The following GSDME variants were observed in gnomAD, a reference collection of about 807,000 sequenced individuals.
GSDME encodes the protein gasdermin E, also known as gasdermin-E.
In GSDME, 44 loss-of-function variants were observed where a neutral mutation model predicts 47.5. The ratio of observed to expected loss-of-function variants is 0.93; its 90% confidence interval spans 0.73 to 1.19. GSDME has a LOEUF of 1.19. GSDME is among the 50% of genes most tolerant of loss of function. The pLI, the probability that GSDME is intolerant of heterozygous loss-of-function variation, is 0.00. For missense variants in GSDME, 663 were observed against 604.2 expected (o/e 1.10, Z -1.02); for synonymous variants, 258 against 252.8 (o/e 1.02, Z -0.20).
chr7:24,744,633 G>A lies in GSDME; in HGVS notation c.333C>T (p.Ser111=). Residue 111 remains serine (S), a synonymous_variant, in exon 3 of 10, where the codon AGC becomes AGT. Transcript: ENST00000645220. The surrounding 1 kb of genome is among the most constrained non-coding windows in gnomAD (Gnocchi z 4.5). ...TCCTCAGGGTTCCAAATGAAGACTG[G>A]CTCTCTACGCGGCTGCTGCCCCCCA... ...LNLGGSSRVE[S]QSSFGTLRKQ... 1.9e-6 allele frequency: 3 copies of A among 1,614,164 alleles called. No individual in the cohort carries two copies. The highest frequency in any genetic ancestry group is 2.5e-6 in the Non-Finnish European group (3 of 1,180,032).
upstream of GSDME, among the ~76,000 whole-genome samples, chr7:24,758,345 G>A (rs564552600): frequency 6.6e-6 from 1 of 152,362 alleles, no homozygotes; most frequent in South Asian, 2.1e-4. This position sits in a 1 kb window ranked among gnomAD's most constrained non-coding sequence, Gnocchi z 4.6. Context: ...CCAGAAGACA[G>A]ATTTAAGCTT....
the GSDME span, among the ~76,000 whole-genome samples, chr7:24,766,498 CTGTGTCCA>C: frequency 6.6e-6 from 1 of 152,054 alleles, no homozygotes; most frequent in African/African-American, 2.4e-5. This position sits in a 1 kb window ranked among gnomAD's most constrained non-coding sequence, Gnocchi z 4.2. Context: ...GTTGCCCTCC[CTGTGTCCA>C]TGTGTTCTCA....
At chr7:24,717,866 A>C (rs938810928) in intron 4 of GSDME, among the ~76,000 whole-genome samples, 1 of 152,176 alleles carries the variant, frequency 6.6e-6, no homozygotes, top group African/African-American at 2.4e-5. Flanking sequence ...AAGAGGCCGG[A>C]GGGAGGAGAG....
Position 24,716,865 on chromosome 7 carries a change from G to A in GSDME, c.697+389C>T, listed in dbSNP as rs1383327137. 3 of 298,650 alleles carry A rather than the reference G, an allele frequency of 1.0e-5. No homozygotes were observed. The highest frequency in any genetic ancestry group is 2.0e-5 in the Non-Finnish European group (3 of 151,464). 18.5% of individuals were successfully genotyped at this position (298,650 alleles called of 1,614,324 possible). A position where few individuals can be genotyped will look rare whatever the true frequency, so the allele number is the denominator to read the frequency against. On this transcript the variant is annotated intron_variant, in intron 5 of 9. Transcript: ENST00000645220. The surrounding 1 kb of genome is among the most constrained non-coding windows in gnomAD (Gnocchi z 4.5). ...ATGCCCTTCACCTTCCAGAGACAGG[G>A]AAGCCAAGACTCAGCAAGATTCAGC...
chr7:24,790,279 T>C, the GSDME span, among the ~76,000 whole-genome samples: 15 of 152,370 alleles, frequency 9.8e-5, no homozygotes, highest in African/African-American at 3.4e-4. The surrounding 1 kb of genome is among the most constrained non-coding windows in gnomAD (Gnocchi z 4.1). Context: ...TGTAACCATA[T>C]GATTTGGGTG....
At chr7:24,740,775 T>G (rs113532534) in intron 3 of GSDME, among the ~76,000 whole-genome samples, 63 of 152,344 alleles carry the variant, frequency 4.1e-4, no homozygotes, top group Non-Finnish European at 7.9e-4. Flanking sequence ...TTTATTTAAT[T>G]TGGAATTCCT....
the GSDME span, among the ~76,000 whole-genome samples, chr7:24,794,525 T>C: frequency 1.3e-5 from 2 of 152,304 alleles, no homozygotes; most frequent in African/African-American, 4.8e-5. Flanking sequence ...TATCTATGTA[T>C]GGAAACTGAT....
chr7:24,710,754 C>G (rs1251236406), intron 5 of GSDME, among the ~76,000 whole-genome samples: 1 of 152,150 alleles, frequency 6.6e-6, no homozygotes, highest in Non-Finnish European at 1.5e-5. Context: ...AAAATCTGAA[C>G]ACTGATAATA....
chr7:24,784,630 T>C, the GSDME span, among the ~76,000 whole-genome samples: 1 of 148,478 alleles, frequency 6.7e-6, no homozygotes, highest in African/African-American at 2.5e-5. Context: ...TTCTTCCTTT[T>C]TTTTTTTTTT....
intron 3 of GSDME, among the ~76,000 whole-genome samples, chr7:24,727,355 A>C (rs139221706): frequency 6.6e-6 from 1 of 152,354 alleles, no homozygotes; most frequent in East Asian, 1.9e-4. Context: ...CAGACTGAGG[A>C]AATGGTGCAG....
chr7:24,718,955 C>T (rs1293775240), intron 4 of GSDME, 92 bp downstream of exon 4: 3 of 1,404,508 alleles, frequency 2.1e-6, no homozygotes, highest in Non-Finnish European at 3.0e-6. Flanking sequence ...CGGAAAGAGT[C>T]CTGACTAATG....
chr7:24,757,880 A>G (rs1158216737), upstream of GSDME: 2 of 152,394 alleles, frequency 1.3e-5, no homozygotes, highest in African/African-American at 2.4e-5. This position sits in a 1 kb window ranked among gnomAD's most constrained non-coding sequence, Gnocchi z 5.9. Flanking sequence ...TTCAACCAGG[A>G]AAGTCCAAGG....
chr7:24,727,303 T>C (rs1356189878), intron 3 of GSDME, among the ~76,000 whole-genome samples: 1 of 152,194 alleles, frequency 6.6e-6, no homozygotes, highest in Non-Finnish European at 1.5e-5. Flanking sequence ...GCTTTTCCAC[T>C]ACACTCTTCT....
Position 24,745,954 on chromosome 7 carries a change from T to TC in GSDME, c.212-1201dup, listed in dbSNP as rs1790653942. On this transcript the variant is annotated intron_variant, in intron 2 of 9. Transcript: ENST00000645220. The surrounding 1 kb of genome is among the most constrained non-coding windows in gnomAD (Gnocchi z 4.4). Reference sequence around the variant, plus strand: ...ACTAGGAACCTCACACTTGGCCTTTTCCATTGTCCTGACCCAAGGCTCTCC... The same window carrying TC: ...ACTAGGAACCTCACACTTGGCCTTTTCCCATTGTCCTGACCCAAGGCTCTCC... Among the ~76,000 whole-genome samples the TC allele has an allele frequency of 1.3e-5, 2 of 152,210 alleles. No individual in the cohort carries two copies. The highest frequency in any genetic ancestry group is 2.9e-5 in the Non-Finnish European group (2 of 68,050).
Position 24,744,606 on chromosome 7 carries a change from C to T in GSDME, c.360G>A (p.Lys120=), listed in dbSNP as rs756154457. 1 of 1,614,204 alleles carries T rather than the reference C, an allele frequency of 6.2e-7. No homozygotes were observed. The highest frequency in any genetic ancestry group is 8.5e-7 in the Non-Finnish European group (1 of 1,180,046). Residue 120 remains lysine (K), a synonymous_variant, in exon 3 of 10, where the codon AAG becomes AAA. Coordinates refer to ENST00000645220, the MANE Select transcript of GSDME (RefSeq NM_001127453.2). The surrounding 1 kb of genome is among the most constrained non-coding windows in gnomAD (Gnocchi z 4.5). ...ESQSSFGTLR[K]QEVDLQQLIR... is the part of the protein sequence containing the mutation. ...TGAGCTGCTGCAAATCCACCTCCTG[C>T]TTCCTCAGGGTTCCAAATGAAGACT... is the stretch of plus-strand genomic sequence containing the variant.
In GSDME at chr7:24,706,157, A is replaced by T. The variant is rs371465318; in HGVS notation, c.1183+27T>A. On this transcript the variant is annotated intron_variant, in intron 8 of 9. Coordinates refer to ENST00000645220, the MANE Select transcript of GSDME (RefSeq NM_001127453.2). ...AAAGCATTTTAAAGCAGCAGCAGCC[A>T]TTTCTTTCATTTTCTTTTCTCCTTA... 1.7e-4 allele frequency: 271 copies of T among 1,613,328 alleles called. 1 individual carries two copies. Among genetic ancestry groups the T allele is most frequent in the Admixed American group, 1.3e-3 (81 of 60,032 alleles).
chr7:24,766,739 T>C, the GSDME span, among the ~76,000 whole-genome samples: 10 of 152,374 alleles, frequency 6.6e-5, no homozygotes, highest in Non-Finnish European at 1.2e-4. This position sits in a 1 kb window ranked among gnomAD's most constrained non-coding sequence, Gnocchi z 4.2. Flanking sequence ...GTCTTTGCTA[T>C]TGTGAACAGT....
At chr7:24,723,203 G>C (rs1459342920) in intron 3 of GSDME, among the ~76,000 whole-genome samples, 1 of 152,188 alleles carries the variant, frequency 6.6e-6, no homozygotes, top group Admixed American at 6.5e-5. Context: ...GGGACAGCGG[G>C]GAAGCTACAC....
At chr7:24,720,815 G>A (rs1166439767) in intron 3 of GSDME, among the ~76,000 whole-genome samples, 2 of 152,080 alleles carry the variant, frequency 1.3e-5, no homozygotes, top group Non-Finnish European at 2.9e-5. Flanking sequence ...GCTGAGGCAG[G>A]AGAATTGCTT....
Sources: allele counts gnomAD v4.1 joint callset (sites outside exome capture counted in the v4.1 genomes callset), GRCh38; gene constraint gnomAD v4.1.1; non-coding constraint Gnocchi (gnomAD v3.1); transcripts MANE v1.5; gene names NCBI Gene and HGNC (gene_info 2026-07-23, HGNC 2026-07-21).